The following HDAC9 variants were observed in gnomAD, a reference collection of about 807,000 sequenced individuals.
The protein encoded by HDAC9 is histone deacetylase 9.
A neutral mutation model predicts 139.4 loss-of-function variants in HDAC9; 41 were observed. The ratio of observed to expected loss-of-function variants is 0.29; its 90% CI spans 0.23 to 0.38. HDAC9 has a LOEUF of 0.38. Among genes scored for constraint, HDAC9 ranks in the 10% least tolerant of loss-of-function variants. The probability of loss-of-function intolerance (pLI) is 1.00; values close to 1 mark genes in which losing one functional copy is unlikely to be tolerated. For synonymous variants in HDAC9, 517 were observed against 476.2 expected, an observed-to-expected ratio of 1.09 and a Z score of -1.12; for missense variants, 1,147 against 1,297.0, an observed-to-expected ratio of 0.88 and a Z score of 1.78.
intron 2 of HDAC9, among the ~76,000 whole-genome samples, chr7:18,189,883 C>A (rs1308863912): frequency 6.6e-6 from 1 of 151,888 alleles, no homozygotes; most frequent in Non-Finnish European, 1.5e-5. Flanking sequence ...CAATGTGAAA[C>A]ACATAAAAAG....
chr7:18,642,290 C>G (rs1274517895), intron 8 of HDAC9, among the ~76,000 whole-genome samples: 1 of 152,072 alleles, frequency 6.6e-6, no homozygotes, highest in Admixed American at 6.6e-5. Flanking sequence ...AGTTGCACTC[C>G]TTTATTCCTG....
chr7:18,985,338 C>A (rs375982127), intron 25 of HDAC9, among the ~76,000 whole-genome samples: 7 of 151,930 alleles, frequency 4.6e-5, no homozygotes, highest in South Asian at 2.1e-4. Context: ...TTTGTTCTTG[C>A]GATAGTTTAC....
chr7:18,260,355 G>T (rs1472294248), intron 2 of HDAC9, among the ~76,000 whole-genome samples: 2 of 119,966 alleles, frequency 1.7e-5, no homozygotes, highest in South Asian at 2.6e-4. Context: ...AGTGAACTCT[G>T]TCGCCCAGGC....
At chr7:18,854,370 G>A (rs143623248) in intron 21 of HDAC9, among the ~76,000 whole-genome samples, 4,452 of 152,238 alleles carry the variant, frequency 0.029, 78 homozygotes, top group Middle Eastern at 0.054. Flanking sequence ...TTTTATTTTT[G>A]CTGTCTTGGC....
chr7:18,358,865 T>C (rs1783542089), intron 1 of HDAC9, among the ~76,000 whole-genome samples: 1 of 152,176 alleles, frequency 6.6e-6, no homozygotes, highest in African/African-American at 2.4e-5. Context: ...TAGAAGAATG[T>C]GGTGAGGATT....
chr7:18,297,469 C>A (rs886869043), intron 1 of HDAC9, among the ~76,000 whole-genome samples: 1 of 152,152 alleles, frequency 6.6e-6, no homozygotes, highest in African/African-American at 2.4e-5. Flanking sequence ...ATTTTTCTGA[C>A]TGCTCTCCTT....
chr7:18,936,060 A>G (rs973610096), intron 23 of HDAC9, 118 bp downstream of exon 23: 72 of 950,174 alleles, frequency 7.6e-5, no homozygotes, highest in Middle Eastern at 3.0e-4. Flanking sequence ...TCTTACCATT[A>G]AGAAAGAAGG....
chr7:18,991,791 A>G (rs1281379884), intron 25 of HDAC9, among the ~76,000 whole-genome samples: 1 of 152,250 alleles, frequency 6.6e-6, no homozygotes, highest in Non-Finnish European at 1.5e-5. Flanking sequence ...TATCAAATAA[A>G]TGCAAATTTG....
At chr7:18,591,492 T>TGC in intron 4 of HDAC9, 24 bp from the exon 5 acceptor site, 1 of 1,552,750 alleles carries the variant, frequency 6.4e-7, no homozygotes, top group Non-Finnish European at 8.7e-7. Context: ...TGTGTGTGTG[T>TGC]GTGTGTGTGT....
At chr7:18,419,933 T>C (rs894738472) in intron 1 of HDAC9, among the ~76,000 whole-genome samples, 4 of 152,162 alleles carry the variant, frequency 2.6e-5, no homozygotes, top group Non-Finnish European at 4.4e-5. Context: ...TTTCCAGCGA[T>C]GGTAGCCCAT....
intron 1 of HDAC9, among the ~76,000 whole-genome samples, chr7:18,484,877 A>G (rs1795858195): frequency 6.6e-6 from 1 of 151,876 alleles, no homozygotes; most frequent in Non-Finnish European, 1.5e-5. Flanking sequence ...AGGAAAACGT[A>G]AAAAATTTTA....
chr7:18,899,487 A>C (rs1294664201), intron 22 of HDAC9: 1 of 152,048 alleles, frequency 6.6e-6, no homozygotes, highest in Non-Finnish European at 1.5e-5. Flanking sequence ...TGCCAATAGT[A>C]AGTTTCAACT....
intron 17 of HDAC9, among the ~76,000 whole-genome samples, chr7:18,803,188 A>G (rs1371082936): frequency 2.0e-5 from 3 of 152,042 alleles, no homozygotes; most frequent in African/African-American, 4.8e-5. Context: ...TAACCTACTT[A>G]TAACACATCC....
intron 17 of HDAC9, among the ~76,000 whole-genome samples, chr7:18,818,078 CA>C (rs1269266389): frequency 1.3e-5 from 2 of 152,146 alleles, no homozygotes; most frequent in African/African-American, 4.8e-5. Flanking sequence ...TTGAATTCAG[CA>C]AATGTATTGG....
chr7:18,422,616 GA>G (rs1789728459), intron 1 of HDAC9, among the ~76,000 whole-genome samples: 1 of 152,066 alleles, frequency 6.6e-6, no homozygotes, highest in Admixed American at 6.6e-5. Context: ...GGCCTGTGGG[GA>G]AAGAAAGCAG....
chr7:18,990,263 G>C (rs1450650876), intron 25 of HDAC9, among the ~76,000 whole-genome samples: 1 of 151,466 alleles, frequency 6.6e-6, no homozygotes, highest in Non-Finnish European at 1.5e-5. Context: ...TGTTAGGACA[G>C]ACAGACAGGA....
At chr7:18,650,323 T>G (rs1473633064) in intron 11 of HDAC9, among the ~76,000 whole-genome samples, 1 of 152,180 alleles carries the variant, frequency 6.6e-6, no homozygotes, top group Non-Finnish European at 1.5e-5. Flanking sequence ...CAGTATTAGA[T>G]AGTAGATAGA....
chr7:18,177,667 C>G (rs907920899), intron 2 of HDAC9, among the ~76,000 whole-genome samples: 1 of 152,146 alleles, frequency 6.6e-6, no homozygotes, highest in East Asian at 1.9e-4. Flanking sequence ...CTGGAACTTA[C>G]CTTAGTACTG....
chr7:18,802,165 A>G (rs1376909336), intron 17 of HDAC9, among the ~76,000 whole-genome samples: 1 of 151,822 alleles, frequency 6.6e-6, no homozygotes, highest in African/African-American at 2.4e-5. Flanking sequence ...TAGAGCTATA[A>G]ATTTTTCTTT....
Sources: allele counts gnomAD v4.1 joint callset (sites outside exome capture counted in the v4.1 genomes callset), GRCh38; gene constraint gnomAD v4.1.1; transcripts MANE v1.5; gene names NCBI Gene and HGNC (gene_info 2026-07-23, HGNC 2026-07-21).